Variants in CNTRL observed in about 807,000 individuals in gnomAD.
CNTRL encodes the protein centriolin, also known as 110 kDa centrosomal protein.
Under a neutral mutation model 303.7 loss-of-function variants are expected in CNTRL, and 233 were observed. The observed-to-expected ratio is 0.77, with a 90% CI of 0.69 to 0.86. The LOEUF is 0.86. Ranked by LOEUF, CNTRL falls within the 40% of genes least tolerant of loss-of-function variation. The pLI, the probability that CNTRL is intolerant of heterozygous loss-of-function variation, is 0.00. For synonymous variants in CNTRL, 900 were observed against 922.2 expected (o/e 0.98, Z 0.44); for missense variants, 2,524 against 2,650.6 (o/e 0.95, Z 1.05).
At chr9:121,132,441 C>T (rs1421814794) in intron 14 of CNTRL, among the ~76,000 whole-genome samples, 1 of 152,190 alleles carries the variant, frequency 6.6e-6, no homozygotes, top group Non-Finnish European at 1.5e-5. Flanking sequence ...GAAGCTTGTG[C>T]ATGTGTTACG....
chr9:121,112,438 C>T, intron 8 of CNTRL, 21 bp from the exon 9 acceptor site: 1 of 1,609,396 alleles, frequency 6.2e-7, no homozygotes. Flanking sequence ...TATGTTGTCT[C>T]ATATCAAATT....
chr9:121,138,719 C>T (rs1340758805), intron 16 of CNTRL, 40 bp downstream of exon 16: 2 of 1,597,784 alleles, frequency 1.3e-6, no homozygotes, highest in Admixed American at 1.7e-5. Context: ...TTACACAGAA[C>T]ACCCAAAGAT....
chr9:121,152,405 T>C, intron 25 of CNTRL, 80 bp from the exon 26 acceptor site: 1 of 1,188,156 alleles, frequency 8.4e-7, no homozygotes, highest in Non-Finnish European at 1.2e-6. Flanking sequence ...TTAACCACAG[T>C]TAATTTCAGC....
chr9:121,127,829 G>A (rs1259831291), intron 14 of CNTRL, among the ~76,000 whole-genome samples: 19 of 126,986 alleles, frequency 1.5e-4, no homozygotes, highest in Middle Eastern at 5.6e-3. Flanking sequence ...GGTGTGTGAT[G>A]TTCCCTGCCC....
Position 121,171,496 on chromosome 9 carries a change from T to C in CNTRL, c.6365T>C (p.Leu2122Pro), listed in dbSNP as rs767632417. 1 of 1,613,880 alleles carries C rather than the reference T, an allele frequency of 6.2e-7. No homozygotes were observed. Among genetic ancestry groups the C allele is most frequent in the East Asian group, 2.2e-5 (1 of 44,862 alleles). The change falls in exon 40 of 44, where the codon CTG becomes CCG. Residue 2122 changes from leucine to proline, a missense_variant. Transcript: ENST00000373855. ...GACAACCATGAGCGGGCCAGGCGCC[T>C]GATGAAGGAGCTCAACCAGATGCAG... ...AQDNHERARR[L>P]MKELNQMQYE...
chr9:121,115,398 T>G (rs2049932846), intron 11 of CNTRL, among the ~76,000 whole-genome samples, 198 bp downstream of exon 11: 1 of 152,226 alleles, frequency 6.6e-6, no homozygotes, highest in South Asian at 2.1e-4. Flanking sequence ...AATTAGCATT[T>G]TATAACATGT....
In CNTRL at chr9:121,098,275, C is replaced by T. The variant is rs776572660; in HGVS notation, c.622-111C>T. On this transcript the variant is annotated intron_variant, in intron 6 of 43. Coordinates refer to ENST00000373855, the MANE Select transcript of CNTRL (RefSeq NM_007018.6). ...GACACCACTACTTTTGGGTAATTGG[C>T]TTCATGAATAGATTCCTTGCCATGT... is the stretch of plus-strand genomic sequence containing the variant. 8 of 793,564 alleles carry T rather than the reference C, an allele frequency of 1.0e-5. 1 individual carries two copies. Among genetic ancestry groups the T allele is most frequent in the Non-Finnish European group, 1.6e-5 (8 of 501,680 alleles). 49.2% of individuals were successfully genotyped at this position (793,564 alleles called of 1,614,324 possible). A position where few individuals can be genotyped will look rare whatever the true frequency, so the allele number is the denominator to read the frequency against.
At chr9:121,118,218 C>A (rs1206807670) in intron 11 of CNTRL, 128 bp from the exon 12 acceptor site, 2 of 662,566 alleles carry the variant, frequency 3.0e-6, no homozygotes, top group Non-Finnish European at 4.6e-6. Context: ...TTAGATAACT[C>A]CCACATTTCA....
chr9:121,150,848 G>T (rs2052197494), intron 25 of CNTRL, among the ~76,000 whole-genome samples: 1 of 152,200 alleles, frequency 6.6e-6, no homozygotes, highest in Admixed American at 6.5e-5. Context: ...AATGTTTTCA[G>T]TCCAGAAATT....
intron 25 of CNTRL, 101 bp downstream of exon 25, chr9:121,150,584 G>A: frequency 9.2e-7 from 1 of 1,088,724 alleles, no homozygotes; most frequent in Non-Finnish European, 1.4e-6. Flanking sequence ...TGGATTATAT[G>A]GCAAAGTGTG....
At chr9:121,105,587 G>A (rs1377150724) in intron 7 of CNTRL, among the ~76,000 whole-genome samples, 4 of 152,186 alleles carry the variant, frequency 2.6e-5, no homozygotes, top group African/African-American at 7.2e-5. Context: ...CAGTGGTTGG[G>A]AGACGAAAGA....
In CNTRL at chr9:121,150,353, CT is replaced by C; in HGVS notation, c.3834del (p.Gly1279AlafsTer43). The C allele has an allele frequency of 1.2e-6, 2 of 1,614,202 alleles. No homozygotes were observed. The highest frequency in any genetic ancestry group is 1.7e-6 in the Non-Finnish European group (2 of 1,180,038). ...CCAAACAATAGCCGACCTCTCACCC[CT>C]GGCACTGTTGTTTATGGCCCACCTC... ...PLPNNSRPLT[P>X]GTVVYGPPPA... On this transcript the variant is annotated frameshift_variant, in exon 25 of 44. Transcript: ENST00000373855. LOFTEE classifies it high-confidence loss of function.
intron 12 of CNTRL, among the ~76,000 whole-genome samples, chr9:121,122,699 G>T (rs540283071): frequency 9.2e-5 from 14 of 152,246 alleles, no homozygotes; most frequent in African/African-American, 3.1e-4. Context: ...CTGAAATTCA[G>T]TTTTCTCATG....
chr9:121,169,532 T>C (rs2053221428), intron 38 of CNTRL, 79 bp from the exon 39 acceptor site: 1 of 1,376,468 alleles, frequency 7.3e-7, no homozygotes, highest in Admixed American at 1.7e-5. Flanking sequence ...CCATTATGCA[T>C]CTGCCACAAG....
At chr9:121,112,906 C>T (rs1285394294) in intron 9 of CNTRL, among the ~76,000 whole-genome samples, 1 of 152,152 alleles carries the variant, frequency 6.6e-6, no homozygotes, top group East Asian at 1.9e-4. Flanking sequence ...AAAAGTGCTT[C>T]AGTACCATGG....
intron 4 of CNTRL, among the ~76,000 whole-genome samples, chr9:121,091,340 G>A (rs1014052275): frequency 6.6e-6 from 1 of 152,026 alleles, no homozygotes; most frequent in Non-Finnish European, 1.5e-5. Context: ...AGAACTAAAT[G>A]AAAACAAAGC....
intron 14 of CNTRL, among the ~76,000 whole-genome samples, chr9:121,131,017 C>G (rs944253519): frequency 8.5e-5 from 13 of 152,066 alleles, no homozygotes; most frequent in Non-Finnish European, 1.6e-4. Context: ...GATTTCTGTT[C>G]TTTTACATTT....
chr9:121,115,104 A>G lies in CNTRL; in HGVS notation c.1359A>G (p.Leu453=). Residue 453 remains leucine (L), a synonymous_variant, in exon 11 of 44, where the codon CTA becomes CTG. Transcript: ENST00000373855. ...EKKISAAQTR[L]SELHDEIEKA... ...TTAAATTTGCAGCACAAACTCGACT[A>G]TCAGAACTGCATGATGAAATAGAAA... 1 of 1,599,930 alleles carries G rather than the reference A, an allele frequency of 6.3e-7. No individual in the cohort carries two copies. The highest frequency in any genetic ancestry group is 8.5e-7 in the Non-Finnish European group (1 of 1,173,556).
intron 5 of CNTRL, among the ~76,000 whole-genome samples, chr9:121,095,577 A>T (rs905210414): frequency 5.3e-5 from 8 of 152,224 alleles, no homozygotes; most frequent in Non-Finnish European, 7.4e-5. Context: ...GAAATTCTTA[A>T]TATCTGCATG....
Sources: allele counts gnomAD v4.1 joint callset (sites outside exome capture counted in the v4.1 genomes callset), GRCh38; gene constraint gnomAD v4.1.1; transcripts MANE v1.5; gene names NCBI Gene and HGNC (gene_info 2026-07-23, HGNC 2026-07-21).